Variants in ATP2A2 observed in about 807,000 individuals in gnomAD.
ATP2A2 encodes sarcoplasmic/endoplasmic reticulum calcium ATPase 2.
Under a neutral mutation model 109.3 loss-of-function variants are expected in ATP2A2, and 14 were observed. The ratio of observed to expected loss-of-function variants is 0.13; its 90% CI spans 0.08 to 0.20. ATP2A2 has a LOEUF of 0.20. ATP2A2 is among the 10% of genes least tolerant of loss of function. The probability of loss-of-function intolerance (pLI) is 1.00; values close to 1 mark genes in which losing one functional copy is unlikely to be tolerated. For synonymous variants in ATP2A2, 506 were observed against 490.9 expected, an observed-to-expected ratio of 1.03 and a Z score of -0.41; for missense variants, 657 against 1,321.6, an observed-to-expected ratio of 0.50 and a Z score of 7.80.
At chr12:110,345,514 T>C in intron 18 of ATP2A2, 132 bp downstream of exon 18, 1 of 1,379,156 alleles carries the variant, frequency 7.3e-7, no homozygotes, top group South Asian at 1.2e-5. Context: ...GAACAGGCAA[T>C]ACCAGTTTTA....
chr12:110,312,201 C>T (rs770602304), intron 5 of ATP2A2, among the ~76,000 whole-genome samples: 4 of 151,842 alleles, frequency 2.6e-5, no homozygotes, highest in East Asian at 1.9e-4. Flanking sequence ...AAAAAAAGTT[C>T]GGGGGGTGGG....
At position 110,350,655 on chromosome 12, in the gene ATP2A2, A is replaced by G; in HGVS notation, c.*4185A>G. ...TTCTCTGCAAAATGTCATAGCTTAT[A>G]TAAATGTACAGTATTCAATTGTAAT... On this transcript the variant is annotated 3_prime_UTR_variant, in exon 20 of 20. Coordinates refer to ENST00000539276, the MANE Select transcript of ATP2A2 (RefSeq NM_170665.4). 1 of 385,476 alleles carries G rather than the reference A, an allele frequency of 2.6e-6. No individual in the cohort carries two copies. Among genetic ancestry groups the G allele is most frequent in the East Asian group, 5.5e-5 (1 of 18,148 alleles). 23.9% of individuals were successfully genotyped at this position (385,476 alleles called of 1,614,324 possible).
At chr12:110,331,931 A>G (rs1878381681) in intron 8 of ATP2A2, 1 of 152,264 alleles carries the variant, frequency 6.6e-6, no homozygotes. Context: ...AAAAAATAAA[A>G]TTAATCCTTT....
Position 110,281,794 on chromosome 12 carries a change from A to G in ATP2A2, c.5A>G (p.Glu2Gly). 6.6e-7 allele frequency: 1 copy of G among 1,517,256 alleles called. No individual in the cohort carries two copies. The highest frequency in any genetic ancestry group is 8.8e-7 in the Non-Finnish European group (1 of 1,131,420). The allele number at this position is 1,517,256 out of a possible 1,614,324, so 94.0% of individuals were successfully genotyped here. Residue 2 changes from glutamate to glycine, a missense_variant, in exon 1 of 20, where the codon GAG becomes GGG. Transcript: ENST00000539276. ...GCCGGCCGGGCCCCCGAAGCCATGG[A>G]GAACGCGCACACCAAGACGGTGGAG... MENAHTKTVEEV... is the reference protein window; with the variant it reads MGNAHTKTVEEV...
chr12:110,301,970 A>G (rs890793676), intron 5 of ATP2A2, among the ~76,000 whole-genome samples: 2 of 152,098 alleles, frequency 1.3e-5, no homozygotes, highest in African/African-American at 2.4e-5. Context: ...ACCCTGACCT[A>G]TCTCGCTTTC....
intron 6 of ATP2A2, 123 bp downstream of exon 6, chr12:110,323,195 A>G (rs1427894759): frequency 1.2e-6 from 1 of 810,386 alleles, no homozygotes; most frequent in Non-Finnish European, 2.1e-6. Context: ...TAAGATACTT[A>G]TTTCTTAGTG....
chr12:110,349,817 C>T lies in ATP2A2; in HGVS notation c.*3347C>T. Reference sequence around the variant, plus strand: ...GAAGGGTAGGCTTCACCCTCCTTTACTGAGGAGAATGATGCGGAGGAGTTT... The same window carrying T: ...GAAGGGTAGGCTTCACCCTCCTTTATTGAGGAGAATGATGCGGAGGAGTTT... On this transcript the variant is annotated 3_prime_UTR_variant, in exon 20 of 20. Transcript: ENST00000539276. 1 of 1,038,310 alleles carries T rather than the reference C, an allele frequency of 9.6e-7. No homozygotes were observed. Among genetic ancestry groups the T allele is most frequent in the Non-Finnish European group, 1.2e-6 (1 of 861,502 alleles). The allele number at this position is 1,038,310 out of a possible 1,614,324, so 64.3% of individuals were successfully genotyped here. A position where few individuals can be genotyped will look rare whatever the true frequency, so the allele number is the denominator to read the frequency against.
chr12:110,347,293 AAAT>A lies in ATP2A2; in HGVS notation c.*826_*828del. The stretch of plus-strand genomic sequence containing the variant: ...AGTGGCACGTCATCTAGTTTTAAAA[AAAT>A]AAAACATTTTAAATGGACAGAGAAA... On this transcript the variant is annotated 3_prime_UTR_variant, in exon 20 of 20. Coordinates refer to ENST00000539276, the MANE Select transcript of ATP2A2 (RefSeq NM_170665.4). The A allele has an allele frequency of 7.9e-7, 1 of 1,262,438 alleles. No individual in the cohort carries two copies. The highest frequency in any genetic ancestry group is 1.0e-6 in the Non-Finnish European group (1 of 972,460). The allele number at this position is 1,262,438 out of a possible 1,614,324, so 78.2% of individuals were successfully genotyped here. A position where few individuals can be genotyped will look rare whatever the true frequency, so the allele number is the denominator to read the frequency against.
At chr12:110,303,226 T>G (rs1874873492) in intron 5 of ATP2A2, among the ~76,000 whole-genome samples, 1 of 152,166 alleles carries the variant, frequency 6.6e-6, no homozygotes, top group Non-Finnish European at 1.5e-5. Flanking sequence ...TCAATACAAT[T>G]ATTATTATAA....
At chr12:110,313,344 G>T (rs149909039) in intron 5 of ATP2A2, among the ~76,000 whole-genome samples, 3 of 128,490 alleles carry the variant, frequency 2.3e-5, no homozygotes, top group Non-Finnish European at 4.7e-5. Context: ...ATACGGAGTC[G>T]CTCTGTCGCC....
In ATP2A2 at chr12:110,350,929, A is replaced by G. The variant is rs1360454309; in HGVS notation, c.*4459A>G. On this transcript the variant is annotated 3_prime_UTR_variant, in exon 20 of 20. Coordinates refer to ENST00000539276, the MANE Select transcript of ATP2A2 (RefSeq NM_170665.4). ...CAGTAGACAGATGTTGGTGCAATAC[A>G]AATATTGTGATGCATTTATCTTAAT... The G allele has an allele frequency of 6.5e-6, 1 of 153,696 alleles. No homozygotes were observed. The highest frequency in any genetic ancestry group is 1.4e-5 in the Non-Finnish European group (1 of 69,020). The allele number at this position is 153,696 out of a possible 1,614,324, so 9.5% of individuals were successfully genotyped here.
At chr12:110,295,415 C>A (rs562445096) in intron 4 of ATP2A2, among the ~76,000 whole-genome samples, 4 of 152,128 alleles carry the variant, frequency 2.6e-5, no homozygotes, top group Admixed American at 2.6e-4. Flanking sequence ...CCTCTTACCT[C>A]AGCCTCCCAA....
chr12:110,296,100 G>A (rs1873932416), intron 4 of ATP2A2: 2 of 166,454 alleles, frequency 1.2e-5, no homozygotes, highest in Admixed American at 5.8e-5. Flanking sequence ...GGGTTGGGTT[G>A]GGGTTTTTTT....
intron 4 of ATP2A2, 64 bp from the exon 5 acceptor site, chr12:110,296,535 T>C: frequency 6.2e-7 from 1 of 1,601,506 alleles, no homozygotes; most frequent in Non-Finnish European, 8.6e-7. Context: ...ATTTTATTCC[T>C]TGGGTTAGAA....
intron 5 of ATP2A2, among the ~76,000 whole-genome samples, chr12:110,316,191 GT>G (rs1876649998): frequency 6.6e-6 from 1 of 152,212 alleles, no homozygotes; most frequent in Non-Finnish European, 1.5e-5. Context: ...ATTGAATGCA[GT>G]TATGTAAATG....
chr12:110,288,840 A>G (rs1254836547), intron 3 of ATP2A2, among the ~76,000 whole-genome samples: 2 of 152,214 alleles, frequency 1.3e-5, no homozygotes, highest in African/African-American at 2.4e-5. Context: ...GTACTATAAT[A>G]CTGCAGTAAG....
Position 110,349,721 on chromosome 12 carries a change from T to C in ATP2A2, c.*3251T>C. ...CAGAGCATACCACGTCTGCAGTGCC[T>C]GTGAGCAGAGCCAGCAGTTGCCCTG... On this transcript the variant is annotated 3_prime_UTR_variant, in exon 20 of 20. Coordinates refer to ENST00000539276, the MANE Select transcript of ATP2A2 (RefSeq NM_170665.4). 1 of 1,010,388 alleles carries C rather than the reference T, an allele frequency of 9.9e-7. No homozygotes were observed. Among genetic ancestry groups the C allele is most frequent in the Non-Finnish European group, 1.2e-6 (1 of 843,658 alleles). 62.6% of individuals were successfully genotyped at this position (1,010,388 alleles called of 1,614,324 possible). A position where few individuals can be genotyped will look rare whatever the true frequency, so the allele number is the denominator to read the frequency against.
At position 110,348,608 on chromosome 12, in the gene ATP2A2, T is replaced by TGTAA. The variant is rs773678424; in HGVS notation, c.*2145_*2148dup. On this transcript the variant is annotated 3_prime_UTR_variant, in exon 20 of 20. Coordinates refer to ENST00000539276, the MANE Select transcript of ATP2A2 (RefSeq NM_170665.4). ...GTGGTTGGGTGTGGTGGCTCATGCC[T>TGTAA]GTAAGTAAGTCTCAGCCCTTTGGAG... 1.2e-5 allele frequency: 12 copies of TGTAA among 985,252 alleles called. No homozygotes were observed. The highest frequency in any genetic ancestry group is 8.7e-5 in the African/African-American group (5 of 57,184). The allele number at this position is 985,252 out of a possible 1,614,324, so 61.0% of individuals were successfully genotyped here.
At chr12:110,303,692 G>A (rs1186576649) in intron 5 of ATP2A2, among the ~76,000 whole-genome samples, 1 of 152,130 alleles carries the variant, frequency 6.6e-6, no homozygotes, top group Non-Finnish European at 1.5e-5. Flanking sequence ...TTGATTACAG[G>A]CATGAGCCAC....
Sources: allele counts gnomAD v4.1 joint callset (sites outside exome capture counted in the v4.1 genomes callset), GRCh38; gene constraint gnomAD v4.1.1; transcripts MANE v1.5; gene names NCBI Gene and HGNC (gene_info 2026-07-23, HGNC 2026-07-21).